CFAP206: variants seen among roughly 807,000 people sequenced by gnomAD.
CFAP206 encodes the protein cilia- and flagella-associated protein 206.
CFAP206 carries 53 observed loss-of-function variants against 65.4 expected under a neutral mutation model. That is an observed-to-expected ratio of 0.81 (90% CI 0.65 to 1.02). The LOEUF is 1.02. CFAP206 is among the 50% of genes least tolerant of loss of function. The probability of loss-of-function intolerance (pLI) is 0.00; values close to 1 mark genes in which losing one functional copy is unlikely to be tolerated. For synonymous variants in CFAP206, 250 were observed against 254.4 expected, an observed-to-expected ratio of 0.98 and a Z score of 0.17; for missense variants, 663 against 753.2, an observed-to-expected ratio of 0.88 and a Z score of 1.40.
At chr6:87,421,710 T>C in intron 7 of CFAP206, among the ~76,000 whole-genome samples, 1 of 152,218 alleles carries the variant, frequency 6.6e-6, no homozygotes, top group East Asian at 1.9e-4. Flanking sequence ...CATGTTATTG[T>C]GCAAGTAAGA....
At chr6:87,451,659 G>A (rs1417602002) in intron 11 of CFAP206, among the ~76,000 whole-genome samples, 5 of 140,044 alleles carry the variant, frequency 3.6e-5, no homozygotes, top group African/African-American at 1.1e-4. Flanking sequence ...TAGTAAAAAC[G>A]GCTTTATCTT....
Position 87,431,153 on chromosome 6 carries a change from C to G in CFAP206, c.1280C>G (p.Thr427Arg). 1 of 1,613,846 alleles carries G rather than the reference C, an allele frequency of 6.2e-7. No individual in the cohort carries two copies. The highest frequency in any genetic ancestry group is 8.5e-7 in the Non-Finnish European group (1 of 1,179,882). The change falls in exon 10 of 13, where the codon ACA becomes AGA. Residue 427 changes from threonine (T) to arginine (R), a missense_variant. Thr to Arg is a moderately conservative substitution (Grantham distance 71). Transcript: ENST00000369562. The part of the protein sequence containing the change: ...RGFCAYTFAA[T>R]DGLLLPGNPA... Reference sequence around the variant, plus strand: ...TTTTGTGCTTACACGTTTGCTGCAACAGATGGTCTTCTCCTTCCAGGTATA... The same window carrying G: ...TTTTGTGCTTACACGTTTGCTGCAAGAGATGGTCTTCTCCTTCCAGGTATA...
At chr6:87,424,478 C>T (rs1019638362) in intron 7 of CFAP206, among the ~76,000 whole-genome samples, 8 of 151,966 alleles carry the variant, frequency 5.3e-5, no homozygotes, top group Non-Finnish European at 8.8e-5. Context: ...GGGGTTTCAC[C>T]GTGTTAGCCA....
chr6:87,443,941 C>G (rs1008927481), intron 11 of CFAP206, among the ~76,000 whole-genome samples: 1 of 152,094 alleles, frequency 6.6e-6, no homozygotes, highest in African/African-American at 2.4e-5. Context: ...CATGTTTCTG[C>G]GGCATACTTT....
chr6:87,439,614 T>G (rs1211070629), intron 11 of CFAP206, among the ~76,000 whole-genome samples: 1 of 152,124 alleles, frequency 6.6e-6, no homozygotes, highest in Admixed American at 6.6e-5. Flanking sequence ...TAAGAAGTTC[T>G]TACGTATTTT....
intron 4 of CFAP206, among the ~76,000 whole-genome samples, chr6:87,415,371 A>AAATCTT (rs1216034170): frequency 1.3e-5 from 2 of 150,442 alleles, no homozygotes; most frequent in Non-Finnish European, 3.0e-5. Flanking sequence ...TATTTTGTAG[A>AAATCTT]AATGGTCTTC....
intron 10 of CFAP206, among the ~76,000 whole-genome samples, chr6:87,432,736 G>A (rs1768181398): frequency 6.6e-6 from 1 of 152,190 alleles, no homozygotes; most frequent in African/African-American, 2.4e-5. Flanking sequence ...CCAACTCTGG[G>A]TCTAAGAAGA....
intron 10 of CFAP206, among the ~76,000 whole-genome samples, chr6:87,433,763 A>G (rs1005715040): frequency 5.3e-5 from 8 of 152,222 alleles, no homozygotes; most frequent in African/African-American, 1.7e-4. Context: ...AATGATAATT[A>G]TAACATTTTA....
At chr6:87,447,951 T>TTTATTATTATTA (rs71018018) in intron 11 of CFAP206, among the ~76,000 whole-genome samples, 6,923 of 146,856 alleles carry the variant, frequency 0.047, 223 homozygotes, top group Middle Eastern at 0.084. Context: ...CTAGATTTTC[T>TTTATTATTATTA]TTATTATTAT....
chr6:87,415,584 C>T, intron 4 of CFAP206, 102 bp from the exon 5 acceptor site: 1 of 1,038,156 alleles, frequency 9.6e-7, no homozygotes, highest in Non-Finnish European at 1.5e-6. Context: ...ACTTGTTTTC[C>T]TGAAGTAGAA....
chr6:87,461,331 T>C (rs1439457540), intron 12 of CFAP206, among the ~76,000 whole-genome samples, 166 bp downstream of exon 12: 1 of 152,162 alleles, frequency 6.6e-6, no homozygotes, highest in African/African-American at 2.4e-5. Context: ...CATTATAAGA[T>C]TGTCTTCTAA....
chr6:87,429,232 GAAAA>G (rs75293419), intron 9 of CFAP206, among the ~76,000 whole-genome samples: 1 of 81,722 alleles, frequency 1.2e-5, no homozygotes, highest in Admixed American at 1.3e-4. Context: ...ATCTCAAAAA[GAAAA>G]AAAAAAAAAA....
At chr6:87,448,068 C>T (rs1363295328) in intron 11 of CFAP206, among the ~76,000 whole-genome samples, 1 of 151,306 alleles carries the variant, frequency 6.6e-6, no homozygotes, top group African/African-American at 2.4e-5. Flanking sequence ...AATCTGTTAT[C>T]TACATTATGT....
chr6:87,415,217 A>G (rs1311171712), intron 4 of CFAP206, among the ~76,000 whole-genome samples: 1 of 151,940 alleles, frequency 6.6e-6, no homozygotes, highest in African/African-American at 2.4e-5. Flanking sequence ...CACGTAACCG[A>G]AAGGAACATA....
At chr6:87,427,230 T>C (rs1402786922) in intron 8 of CFAP206, among the ~76,000 whole-genome samples, 1 of 152,142 alleles carries the variant, frequency 6.6e-6, no homozygotes, top group East Asian at 1.9e-4. Flanking sequence ...CTCCGCCTCC[T>C]GGGTTCACGC....
chr6:87,422,920 T>C (rs1767969762), intron 7 of CFAP206, among the ~76,000 whole-genome samples: 2 of 152,088 alleles, frequency 1.3e-5, no homozygotes, highest in African/African-American at 4.8e-5. Context: ...GGGAGGGGTC[T>C]AGAGTATTTT....
At chr6:87,448,538 T>C (rs925693929) in intron 11 of CFAP206, among the ~76,000 whole-genome samples, 2 of 152,152 alleles carry the variant, frequency 1.3e-5, no homozygotes, top group African/African-American at 4.8e-5. Context: ...CTGGCTATTT[T>C]GAAATATAAA....
intron 11 of CFAP206, among the ~76,000 whole-genome samples, chr6:87,454,691 TAA>T (rs1382019545): frequency 6.7e-6 from 1 of 150,326 alleles, no homozygotes; most frequent in African/African-American, 2.4e-5. Context: ...TAAAAAAATA[TAA>T]AAATATCCAG....
At chr6:87,452,774 CAT>C (rs1768567578) in intron 11 of CFAP206, among the ~76,000 whole-genome samples, 1 of 151,764 alleles carries the variant, frequency 6.6e-6, no homozygotes, top group Admixed American at 6.6e-5. Flanking sequence ...TTTGAAAATA[CAT>C]AGTCAGAGGA....
Sources: allele counts gnomAD v4.1 joint callset (sites outside exome capture counted in the v4.1 genomes callset), GRCh38; gene constraint gnomAD v4.1.1; transcripts MANE v1.5; gene names NCBI Gene and HGNC (gene_info 2026-07-23, HGNC 2026-07-21).